The following RABGAP1 variants were observed in gnomAD, a reference collection of about 807,000 sequenced individuals.
RABGAP1 encodes rab GTPase-activating protein 1.
In RABGAP1, 23 loss-of-function variants were observed where a neutral mutation model predicts 137.6. That is an observed-to-expected ratio of 0.17 (90% CI 0.12 to 0.24). The LOEUF (loss-of-function observed/expected upper bound fraction) is 0.24, where lower values mean the gene tolerates loss of function less well. Ranked by LOEUF, RABGAP1 falls within the 10% of genes least tolerant of loss-of-function variation. RABGAP1 has a pLI of 1.00. For missense variants in RABGAP1, 906 were observed against 1,275.8 expected, an observed-to-expected ratio of 0.71 and a Z score of 4.42; for synonymous variants, 451 against 450.7, an observed-to-expected ratio of 1.00 and a Z score of -0.01.
chr9:123,065,073 G>A (rs1457045531), intron 13 of RABGAP1, among the ~76,000 whole-genome samples: 1 of 152,120 alleles, frequency 6.6e-6, no homozygotes, highest in Non-Finnish European at 1.5e-5. Context: ...TACAATAGAA[G>A]GGTCACCAGC....
At chr9:123,043,496 GA>G (rs1265433191) in intron 13 of RABGAP1, among the ~76,000 whole-genome samples, 10 of 152,012 alleles carry the variant, frequency 6.6e-5, no homozygotes, top group Non-Finnish European at 1.3e-4. Flanking sequence ...AATAACTTCA[GA>G]AAAAAATAGA....
chr9:122,932,886 G>C, the RABGAP1 span, among the ~76,000 whole-genome samples: 2 of 152,304 alleles, frequency 1.3e-5, no homozygotes, highest in African/African-American at 4.8e-5. Flanking sequence ...TCAGATATTT[G>C]TGACTTTTCC....
At chr9:122,937,009 T>G (rs1184227252), upstream of RABGAP1, among the ~76,000 whole-genome samples, 2 of 152,158 alleles carry the variant, frequency 1.3e-5, no homozygotes, top group South Asian at 4.1e-4. Context: ...CATTATGAGA[T>G]TCAAATGTTC....
intron 1 of RABGAP1, chr9:122,945,297 TTGACCC>T: frequency 6.6e-6 from 1 of 152,196 alleles, no homozygotes; most frequent in African/African-American, 2.4e-5. Flanking sequence ...ACCATTCACG[TTGACCC>T]TAACAGCCTT....
chr9:122,950,297 T>C (rs1185346630), intron 1 of RABGAP1, among the ~76,000 whole-genome samples: 1 of 151,994 alleles, frequency 6.6e-6, no homozygotes, highest in African/African-American at 2.4e-5. Flanking sequence ...CTAAAATCCA[T>C]TATTCCAAGG....
At chr9:122,961,779 T>C (rs1327788044) in intron 2 of RABGAP1, among the ~76,000 whole-genome samples, 1 of 152,184 alleles carries the variant, frequency 6.6e-6, no homozygotes, top group Non-Finnish European at 1.5e-5. Context: ...TGCAGTACTG[T>C]ATAGTATGTA....
intron 19 of RABGAP1, among the ~76,000 whole-genome samples, chr9:123,079,583 T>C (rs930241781): frequency 2.0e-5 from 3 of 152,194 alleles, no homozygotes; most frequent in African/African-American, 7.2e-5. Flanking sequence ...TGAACGGTTT[T>C]ATACATAAAG....
In RABGAP1 at chr9:123,073,446, A is replaced by G. The variant is rs938126948; in HGVS notation, c.1984-106A>G. On this transcript the variant is annotated intron_variant, in intron 15 of 25. Transcript: ENST00000373647. Reference sequence around the variant, plus strand: ...TCTGCATAGCACTAAATTTTCTGGTAAGGCAATAATATAAAGCTGGATTTA... The same window carrying G: ...TCTGCATAGCACTAAATTTTCTGGTGAGGCAATAATATAAAGCTGGATTTA... 4.3e-6 allele frequency: 6 copies of G among 1,396,742 alleles called. No individual in the cohort carries two copies. In the African/African-American group the frequency reaches 8.8e-5, roughly 20 times the overall value. 86.5% of individuals were successfully genotyped at this position (1,396,742 alleles called of 1,614,324 possible).
Position 123,103,633 on chromosome 9 carries a change from A to ATG in RABGAP1, c.*421_*422insGT. The stretch of plus-strand genomic sequence containing the variant: ...TATATATATATATATATATATATAT[A>ATG]TATAGTGGGGGTGGGGCAAGGGATC... On this transcript the variant is annotated 3_prime_UTR_variant, in exon 26 of 26. Coordinates refer to ENST00000373647, the MANE Select transcript of RABGAP1 (RefSeq NM_012197.4). The ATG allele has an allele frequency of 1.1e-5, 1 of 94,704 alleles. No individual in the cohort carries two copies. Among genetic ancestry groups the ATG allele is most frequent in the African/African-American group, 4.1e-5 (1 of 24,208 alleles). 5.9% of individuals were successfully genotyped at this position (94,704 alleles called of 1,614,324 possible). A position where few individuals can be genotyped will look rare whatever the true frequency, so the allele number is the denominator to read the frequency against.
At chr9:123,036,166 G>A (rs533878937) in intron 13 of RABGAP1, among the ~76,000 whole-genome samples, 3 of 152,274 alleles carry the variant, frequency 2.0e-5, no homozygotes, top group African/African-American at 7.2e-5. Context: ...AATGTTCTGT[G>A]TTTTATTCTC....
intron 24 of RABGAP1, 71 bp from the exon 25 acceptor site, chr9:123,101,495 G>A: frequency 2.1e-6 from 3 of 1,414,282 alleles, no homozygotes; most frequent in Non-Finnish European, 2.9e-6. Context: ...GTCCCCCAAA[G>A]GAGATGCTCA....
In RABGAP1 at chr9:123,074,277, T is replaced by C. The variant is rs752952069; in HGVS notation, c.2110-8T>C. 5.0e-6 allele frequency: 8 copies of C among 1,613,594 alleles called. 1 individual carries two copies. In the South Asian group the frequency reaches 8.8e-5, roughly 18 times the overall value. On this transcript the variant is annotated splice_polypyrimidine_tract_variant and splice_region_variant and intron_variant, in intron 16 of 25. Transcript: ENST00000373647. ...ATGTGCCCAGAACTAATTGGTTTGC[T>C]ATTTCAGGAATACATTCCTGACCTG...
intron 13 of RABGAP1, among the ~76,000 whole-genome samples, chr9:123,051,251 T>G (rs1588337310): frequency 1.3e-5 from 1 of 76,278 alleles, no homozygotes; most frequent in African/African-American, 5.6e-5. Flanking sequence ...TTTTTTTTTT[T>G]TTTTTTTTTT....
chr9:122,975,781 G>A (rs1259136689), intron 2 of RABGAP1, among the ~76,000 whole-genome samples: 2 of 152,156 alleles, frequency 1.3e-5, no homozygotes, highest in Non-Finnish European at 1.5e-5. Flanking sequence ...TGAAATATAC[G>A]TAAGTGCCCA....
intron 10 of RABGAP1, among the ~76,000 whole-genome samples, chr9:123,004,829 G>T (rs1446559161): frequency 2.0e-5 from 3 of 152,090 alleles, no homozygotes; most frequent in Non-Finnish European, 4.4e-5. Flanking sequence ...GGCCGAGGCA[G>T]ATGGATCACC....
intron 2 of RABGAP1, among the ~76,000 whole-genome samples, chr9:122,960,530 C>A (rs1834799174): frequency 6.6e-6 from 1 of 152,182 alleles, no homozygotes; most frequent in Non-Finnish European, 1.5e-5. Flanking sequence ...CAAGCATCAA[C>A]AATAACAAAT....
chr9:123,097,967 CT>C (rs370364242), intron 22 of RABGAP1, 122 bp downstream of exon 22: 357 of 745,544 alleles, frequency 4.8e-4, no homozygotes, highest in Middle Eastern at 6.6e-4. Context: ...TTTCCAAAGA[CT>C]TTTTTTTTCC....
intron 2 of RABGAP1, among the ~76,000 whole-genome samples, chr9:122,972,461 C>T (rs1835518613): frequency 6.6e-6 from 1 of 152,042 alleles, no homozygotes; most frequent in African/African-American, 2.4e-5. Context: ...TGTAGTCGCT[C>T]GTCTTAGGCT....
chr9:123,048,002 G>T (rs2033294085), intron 13 of RABGAP1, among the ~76,000 whole-genome samples: 1 of 139,206 alleles, frequency 7.2e-6, no homozygotes, highest in Non-Finnish European at 1.5e-5. Flanking sequence ...GCAATGGCGC[G>T]ATCTCGGCCC....
Sources: gnomAD v4.1 joint callset for allele counts (sites outside exome capture counted in the v4.1 genomes callset) on GRCh38, gnomAD v4.1.1 for gene constraint, MANE v1.5 for transcripts, NCBI Gene and HGNC (gene_info 2026-07-23, HGNC 2026-07-21) for gene names.